The following PNKP variants were observed in gnomAD, a reference collection of about 807,000 sequenced individuals.
The protein encoded by PNKP is bifunctional polynucleotide phosphatase/kinase.
PNKP carries 82 observed loss-of-function variants against 66.2 expected under a neutral mutation model. That is an observed-to-expected ratio of 1.24 (90% CI 1.04 to 1.49). The LOEUF is 1.49. PNKP is among the 40% of genes most tolerant of loss of function. The pLI, the probability that PNKP is intolerant of heterozygous loss-of-function variation, is 0.00. For synonymous variants in PNKP, 412 were observed against 298.9 expected (o/e 1.38, Z -3.90); for missense variants, 907 against 706.8 (o/e 1.28, Z -3.21).
intron 1 of PNKP, 73 bp from the exon 2 acceptor site, chr19:49,867,290 A>C: frequency 1.4e-6 from 2 of 1,430,390 alleles, no homozygotes; most frequent in Non-Finnish European, 1.9e-6. Flanking sequence ...CTCCTCCCAC[A>C]TCCACTAGAA....
In PNKP at chr19:49,862,834, T is replaced by C. The variant is rs568885949; in HGVS notation, c.817-96A>G. The C allele has an allele frequency of 2.6e-4, 329 of 1,283,992 alleles. No individual in the cohort carries two copies. The African/African-American group carries it at 4.5e-3, about 18-fold the overall frequency. The allele number at this position is 1,283,992 out of a possible 1,614,324, so 79.5% of individuals were successfully genotyped here. A position where few individuals can be genotyped will look rare whatever the true frequency, so the allele number is the denominator to read the frequency against. ...TGCTTCGCCTGGTCTGTGCCCCACA[T>C]CAGGAATCATCCCCCGACCTTTCAT... On this transcript the variant is annotated intron_variant, in intron 8 of 16. Transcript: ENST00000322344.
At chr19:49,861,937 C>A in intron 13 of PNKP, 56 bp from the exon 14 acceptor site, 1 of 1,579,218 alleles carries the variant, frequency 6.3e-7, no homozygotes, top group Non-Finnish European at 8.7e-7. Context: ...GAGAAGACCC[C>A]GAGCGGGGAC....
At chr19:49,865,772 C>G (rs2074815322) in intron 3 of PNKP, among the ~76,000 whole-genome samples, 1 of 151,652 alleles carries the variant, frequency 6.6e-6, no homozygotes. Context: ...CGCCACCATG[C>G]CCCGCTAATT....
chr19:49,861,488 G>A lies in PNKP; in HGVS notation c.1409C>T (p.Ser470Phe), dbSNP rs1231560062. 6 of 1,611,222 alleles carry A rather than the reference G, an allele frequency of 3.7e-6. No homozygotes were observed. Among genetic ancestry groups the A allele is most frequent in the Non-Finnish European group, 4.2e-6 (5 of 1,178,360 alleles). ...GACCATGTCTGACACGGGGATATGA[G>A]AGGAGTCCGTCATCTCTCGAAACTG... ...NNRFREMTDS[S>F]HIPVSDMVMY... Residue 470 changes from serine to phenylalanine, a missense_variant, in exon 16 of 17, where the codon TCT becomes TTT. Transcript: ENST00000322344.
intron 11 of PNKP, 28 bp downstream of exon 11, chr19:49,862,343 C>G: frequency 7.4e-7 from 1 of 1,355,094 alleles, no homozygotes; most frequent in Non-Finnish European, 1.0e-6. Flanking sequence ...CTCCCATCCC[C>G]ACCCCCACCC....
rs2074774809 is a variant in PNKP at position 49,862,114 on chromosome 19, G to A, written c.1127-9C>T. 6.2e-7 allele frequency: 1 copy of A among 1,614,058 alleles called. No individual in the cohort carries two copies. Among genetic ancestry groups the A allele is most frequent in the Admixed American group, 1.7e-5 (1 of 60,008 alleles). On this transcript the variant is annotated splice_polypyrimidine_tract_variant and intron_variant, in intron 12 of 16. Coordinates refer to ENST00000322344, the MANE Select transcript of PNKP (RefSeq NM_007254.4). ...AAAGGTGGACTTCCCGGCTGTGTGG[G>A]GGGCAGTGTCGGTGGGTGGCCTAGG...
At position 49,862,279 on chromosome 19, in the gene PNKP, C is replaced by T. The variant is rs185452809; in HGVS notation, c.1032G>A (p.Arg344=). The T allele has an allele frequency of 7.6e-4, 1,204 of 1,593,320 alleles. 5 individuals are homozygous for T. In the African/African-American group the frequency reaches 0.014, roughly 18 times the overall value. ...AGAGAGGCCCTGAGCGGGAGACAGT[C>T]CTCTGCGAGGGGCGGGGGACACGCG... ...AGFELPAFDP[R]TVSRSGPLCL... Residue 344 remains arginine, a splice_region_variant and synonymous_variant, in exon 12 of 17, where the codon AGG becomes AGA. Coordinates refer to ENST00000322344, the MANE Select transcript of PNKP (RefSeq NM_007254.4).
At position 49,866,450 on chromosome 19, in the gene PNKP, G is replaced by A; in HGVS notation, c.152-5C>T. ...CAGGATCTGCGACCAGCTCCACTGA[G>A]GATTGGAGGGGTGGAGTCAGGATTT... is the stretch of plus-strand genomic sequence containing the variant. On this transcript the variant is annotated splice_polypyrimidine_tract_variant and splice_region_variant and intron_variant, in intron 2 of 16. Coordinates refer to ENST00000322344, the MANE Select transcript of PNKP (RefSeq NM_007254.4). 1 of 1,614,062 alleles carries A rather than the reference G, an allele frequency of 6.2e-7. No homozygotes were observed. The highest frequency in any genetic ancestry group is 8.5e-7 in the Non-Finnish European group (1 of 1,179,898).
At position 49,861,606 on chromosome 19, in the gene PNKP, A is replaced by T; in HGVS notation, c.1386+2T>A. The T allele has an allele frequency of 6.4e-7, 1 of 1,558,532 alleles. No individual in the cohort carries two copies. Among genetic ancestry groups the T allele is most frequent in the Non-Finnish European group, 8.7e-7 (1 of 1,152,248 alleles). On this transcript the variant is annotated splice_donor_variant, in intron 15 of 16. Coordinates refer to ENST00000322344, the MANE Select transcript of PNKP (RefSeq NM_007254.4). LOFTEE classifies it high-confidence loss of function. ...GGGGGTGTCCGGGCTGAGCGGGCTC[A>T]CCCGGTTGTTGTGGCGCGCCTGCTC...
intron 4 of PNKP, among the ~76,000 whole-genome samples, chr19:49,864,741 CTTTGG>C (rs2074805583): frequency 6.6e-6 from 1 of 152,190 alleles, no homozygotes; most frequent in Non-Finnish European, 1.5e-5. Context: ...AGGAGCAAAG[CTTTGG>C]GTGCTAACTG....
In PNKP at chr19:49,862,239, TGGACTCG is replaced by T; in HGVS notation, c.1065_1071del (p.Glu356GlyfsTer4). On this transcript the variant is annotated frameshift_variant, in exon 12 of 17. Transcript: ENST00000322344. LOFTEE classifies it high-confidence loss of function. ...TCCGGGCTGGCGCTCAGGAGGGCCCTGGACTCGGGGAGGCAGAGAGGCCCTGAGCGGG... is the reference window on the plus strand; with the variant it reads ...TCCGGGCTGGCGCTCAGGAGGGCCCTGGGAGGCAGAGAGGCCCTGAGCGGG... 5 of 1,611,274 alleles carry T rather than the reference TGGACTCG, an allele frequency of 3.1e-6. No individual in the cohort carries two copies. Among genetic ancestry groups the T allele is most frequent in the Non-Finnish European group, 4.2e-6 (5 of 1,178,876 alleles).
chr19:49,865,537 G>A (rs2074812393), intron 3 of PNKP, 111 bp from the exon 4 acceptor site: 3 of 701,614 alleles, frequency 4.3e-6, no homozygotes, highest in Admixed American at 4.6e-5. Flanking sequence ...CAGACCCTTA[G>A]GCCCCACCTC....
At chr19:49,863,880 C>T (rs947211361) in intron 7 of PNKP, 84 bp downstream of exon 7, 143 of 1,382,502 alleles carry the variant, frequency 1.0e-4, no homozygotes, top group Non-Finnish European at 1.0e-4. Context: ...CCTGAGGCCT[C>T]CGCCCCGCTT....
At chr19:49,864,128 C>A (rs774039394) in intron 6 of PNKP, 51 bp downstream of exon 6, 2 of 1,610,524 alleles carry the variant, frequency 1.2e-6, no homozygotes, top group African/African-American at 1.3e-5. Context: ...GGTCTGACTG[C>A]GGTCGGACCG....
intron 3 of PNKP, chr19:49,865,965 C>T (rs2074816564): frequency 6.8e-6 from 2 of 294,912 alleles, no homozygotes; most frequent in Non-Finnish European, 1.3e-5. Flanking sequence ...CTGAAACAGG[C>T]AACACTTCTT....
intron 3 of PNKP, chr19:49,866,008 C>T (rs2074816975): frequency 1.2e-5 from 4 of 335,632 alleles, no homozygotes; most frequent in South Asian, 1.0e-4. Context: ...CTCTCCCAGC[C>T]ATATTTTTTC....
At position 49,865,424 on chromosome 19, in the gene PNKP, C is replaced by T. The variant is rs1568662370; in HGVS notation, c.201G>A (p.Leu67=). 2 of 1,601,348 alleles carry T rather than the reference C, an allele frequency of 1.2e-6. No individual in the cohort carries two copies. Among genetic ancestry groups the T allele is most frequent in the African/African-American group, 1.3e-5 (1 of 74,456 alleles). The change falls in exon 4 of 17, where the codon CTG becomes CTA. Residue 67 remains leucine (L), a splice_region_variant and synonymous_variant. Transcript: ENST00000322344. ...PETRTVAVKQ[L]GVNPSTTGTQ... ...TCCCGGTAGTTGAGGGGTTAACTCCCAGCTGCAGAAAGAGAGGGAGGAGCT... is the reference window on the plus strand; with the variant it reads ...TCCCGGTAGTTGAGGGGTTAACTCCTAGCTGCAGAAAGAGAGGGAGGAGCT...
chr19:49,867,157 A>AGG lies in PNKP; in HGVS notation c.46_47dup (p.Gly17LeufsTer23). The AGG allele has an allele frequency of 6.3e-7, 1 of 1,585,488 alleles. No homozygotes were observed. The highest frequency in any genetic ancestry group is 1.1e-5 in the South Asian group (1 of 88,520). ...GCAGGAAGATGGGGGGCGCTCCCCC[A>AGG]GGGGGGCTCTCGAGCCACAAGCGGC... On this transcript the variant is annotated frameshift_variant, in exon 2 of 17. Coordinates refer to ENST00000322344, the MANE Select transcript of PNKP (RefSeq NM_007254.4). LOFTEE classifies it high-confidence loss of function.
At position 49,866,447 on chromosome 19, in the gene PNKP, TGAG is replaced by T. The variant is rs2074821216; in HGVS notation, c.152-5_152-3del. On this transcript the variant is annotated splice_region_variant and splice_polypyrimidine_tract_variant and intron_variant, in intron 2 of 16. Coordinates refer to ENST00000322344, the MANE Select transcript of PNKP (RefSeq NM_007254.4). ...TCTCAGGATCTGCGACCAGCTCCAC[TGAG>T]GATTGGAGGGGTGGAGTCAGGATTT... is the stretch of plus-strand genomic sequence containing the variant. The T allele has an allele frequency of 6.2e-7, 1 of 1,613,952 alleles. No homozygotes were observed. Among genetic ancestry groups the T allele is most frequent in the Non-Finnish European group, 8.5e-7 (1 of 1,179,928 alleles).
Sources: gnomAD v4.1 joint callset for allele counts (sites outside exome capture counted in the v4.1 genomes callset) on GRCh38, gnomAD v4.1.1 for gene constraint, MANE v1.5 for transcripts, NCBI Gene and HGNC (gene_info 2026-07-23, HGNC 2026-07-21) for gene names.